The following ADGRG2 variants were observed in gnomAD, a reference collection of about 807,000 sequenced individuals.
ADGRG2 encodes adhesion G protein-coupled receptor G2, also known as G protein-coupled receptor 64.
In ADGRG2, 26 loss-of-function variants were observed where a neutral mutation model predicts 74.1. The ratio of observed to expected loss-of-function variants is 0.35; its 90% CI spans 0.26 to 0.49. The LOEUF (loss-of-function observed/expected upper bound fraction) is 0.49, where lower values mean the gene tolerates loss of function less well. ADGRG2 is among the 20% of genes least tolerant of loss of function. The pLI, the probability that ADGRG2 is intolerant of heterozygous loss-of-function variation, is 0.99. For missense variants in ADGRG2, 619 were observed against 763.1 expected, an observed-to-expected ratio of 0.81 and a Z score of 2.22; for synonymous variants, 296 against 295.2, an observed-to-expected ratio of 1.00 and a Z score of -0.03.
At chrX:19,037,722 C>T (rs1213874682) in intron 4 of ADGRG2, 86 bp from the exon 5 acceptor site, 30 of 678,901 alleles carry the variant, frequency 4.4e-5, no homozygotes, top group Non-Finnish European at 5.4e-5. Flanking sequence ...GATATAATTA[C>T]GAAAAGAAGT....
At chrX:19,023,141 C>T (rs959164721) in intron 13 of ADGRG2, among the ~76,000 whole-genome samples, 2 of 111,287 alleles carry the variant, frequency 1.8e-5, no homozygotes, top group Non-Finnish European at 3.8e-5. Context: ...TGGTGGCCCT[C>T]GGGGCTAAGG....
chrX:19,094,105 T>A (rs1201301942), intron 1 of ADGRG2, among the ~76,000 whole-genome samples: 1 of 111,623 alleles, frequency 9.0e-6, no homozygotes, highest in Non-Finnish European at 1.9e-5. Context: ...AGAGTATGGA[T>A]AGATCAACAT....
chrX:19,078,501 G>A (rs2061790674), intron 2 of ADGRG2, among the ~76,000 whole-genome samples: 1 of 110,998 alleles, frequency 9.0e-6, no homozygotes. Flanking sequence ...AGGCTGTAGT[G>A]AACCATGATC....
intron 1 of ADGRG2, among the ~76,000 whole-genome samples, chrX:19,117,378 T>G (rs943126363): frequency 2.5e-4 from 28 of 110,775 alleles, no homozygotes; most frequent in African/African-American, 8.9e-4. Flanking sequence ...CAAAAAAAGT[T>G]TGAACACTAG....
chrX:19,055,237 C>G (rs2061389052), intron 3 of ADGRG2, among the ~76,000 whole-genome samples: 1 of 98,398 alleles, frequency 1.0e-5, no homozygotes, highest in East Asian at 3.2e-4. Flanking sequence ...GTAGCAAATC[C>G]CTTTGTGTGT....
chrX:19,029,031 T>C (rs1314994635), intron 9 of ADGRG2, among the ~76,000 whole-genome samples: 1 of 112,001 alleles, frequency 8.9e-6, no homozygotes, highest in Admixed American at 9.5e-5. Context: ...ATTTGGACTA[T>C]GGCTGGTAGT....
intron 1 of ADGRG2, among the ~76,000 whole-genome samples, chrX:19,114,261 T>C (rs185459069): frequency 2.2e-3 from 237 of 108,962 alleles, no homozygotes; most frequent in African/African-American, 7.0e-3. Context: ...TAGTGGGTTA[T>C]GAGGAGGCTC....
intron 26 of ADGRG2, among the ~76,000 whole-genome samples, chrX:18,996,960 C>T (rs756546097): frequency 8.9e-6 from 1 of 111,946 alleles, no homozygotes; most frequent in Non-Finnish European, 1.9e-5. Context: ...TGGTGGCTCA[C>T]GCCTGTAATC....
intron 3 of ADGRG2, among the ~76,000 whole-genome samples, chrX:19,055,200 C>T: frequency 8.9e-6 from 1 of 112,062 alleles, no homozygotes; most frequent in Non-Finnish European, 1.9e-5. Context: ...TTAACCAGCT[C>T]CCACAGTTGT....
chrX:19,052,526 T>C (rs5955516), intron 3 of ADGRG2, among the ~76,000 whole-genome samples: 6,611 of 109,414 alleles, frequency 0.06, 235 homozygotes, highest in African/African-American at 0.13. Flanking sequence ...TTAAGGTACA[T>C]TTCAGAACAA....
chrX:18,991,734 T>A lies in ADGRG2; in HGVS notation c.2870-686A>T, dbSNP rs369600417. On this transcript the variant is annotated intron_variant, in intron 28 of 28. Transcript: ENST00000379869. ...CCCACCCCAAGCAGGCCCTGAGTTA[T>A]AGGGGAGCACAGGTGCTGGCCTCCT... Among the ~76,000 whole-genome samples, 51 of 112,105 alleles carry A rather than the reference T, an allele frequency of 4.5e-4. 1 individual carries two copies. Among genetic ancestry groups the A allele is most frequent in the African/African-American group, 1.6e-3 (49 of 30,876 alleles).
At chrX:19,029,912 C>A (rs891711083) in intron 9 of ADGRG2, among the ~76,000 whole-genome samples, 4 of 111,585 alleles carry the variant, frequency 3.6e-5, no homozygotes, top group African/African-American at 6.5e-5. Flanking sequence ...ATGTATCCAA[C>A]ACTTTGCTTT....
intron 3 of ADGRG2, among the ~76,000 whole-genome samples, chrX:19,055,297 C>T (rs1355461925): frequency 2.7e-5 from 3 of 111,556 alleles, no homozygotes; most frequent in African/African-American, 3.3e-5. Context: ...CGCGCGCACG[C>T]GCGTGCACGC....
At chrX:19,115,955 G>C (rs774070031) in intron 1 of ADGRG2, among the ~76,000 whole-genome samples, 68 of 105,522 alleles carry the variant, frequency 6.4e-4, no homozygotes, top group Non-Finnish European at 1.1e-3. Flanking sequence ...CATGCTTGTA[G>C]TCTCAGCACT....
chrX:19,027,144 A>G (rs2060722046), intron 11 of ADGRG2, 75 bp downstream of exon 11: 3 of 737,504 alleles, frequency 4.1e-6, no homozygotes, highest in Non-Finnish European at 6.5e-6. Flanking sequence ...TCAGTTTTCA[A>G]TTGCAAACAT....
chrX:19,115,598 CT>C (rs890909712), intron 1 of ADGRG2, among the ~76,000 whole-genome samples: 1 of 110,646 alleles, frequency 9.0e-6, no homozygotes, highest in Non-Finnish European at 1.9e-5. Flanking sequence ...ACGGAGGAGG[CT>C]GTGTTTGGAG....
chrX:19,049,453 T>TTTG (rs2061268071), intron 3 of ADGRG2, among the ~76,000 whole-genome samples: 1 of 103,824 alleles, frequency 9.6e-6, no homozygotes, highest in African/African-American at 3.7e-5. Context: ...TTTTTTTTTT[T>TTTG]TTTTGTTGTT....
chrX:19,049,438 G>GTTTTT (rs752686975), intron 3 of ADGRG2, among the ~76,000 whole-genome samples: 14 of 82,133 alleles, frequency 1.7e-4, no homozygotes, highest in East Asian at 3.5e-4. Context: ...CGTTTTTTGT[G>GTTTTT]TTTTTTTTTT....
Position 19,040,193 on chromosome X carries a change from T to C in ADGRG2, c.150A>G (p.Pro50=), listed in dbSNP as rs2146747520. 2 of 1,157,269 alleles carry C rather than the reference T, an allele frequency of 1.7e-6. No individual in the cohort carries two copies. Among genetic ancestry groups the C allele is most frequent in the East Asian group, 6.0e-5 (2 of 33,432 alleles). The change falls in exon 4 of 29, where the codon CCA becomes CCG. Residue 50 remains proline (P), a synonymous_variant. Coordinates refer to ENST00000379869, the MANE Select transcript of ADGRG2 (RefSeq NM_001079858.3). ...EDTDNSSLSP[P]PAKLSVVSFA... ...AGTTCTAAAAAAACAACTTACCAGG[T>C]GGTGGTGACAAACTGGAATTATCAG...
Sources: gnomAD v4.1 joint callset for allele counts (sites outside exome capture counted in the v4.1 genomes callset) on GRCh38, gnomAD v4.1.1 for gene constraint, MANE v1.5 for transcripts, NCBI Gene and HGNC (gene_info 2026-07-23, HGNC 2026-07-21) for gene names.